The following USP13 variants were observed in gnomAD, a reference collection of about 807,000 sequenced individuals.
USP13 encodes ubiquitin specific peptidase 13.
USP13 carries 68 observed loss-of-function variants against 107.8 expected under a neutral mutation model. The ratio of observed to expected loss-of-function variants is 0.63; its 90% CI spans 0.52 to 0.77. The LOEUF is 0.77. USP13 is among the 30% of genes least tolerant of loss of function. The pLI, the probability that USP13 is intolerant of heterozygous loss-of-function variation, is 0.00. For synonymous variants in USP13, 377 were observed against 389.5 expected (o/e 0.97, Z 0.38); for missense variants, 945 against 1,093.3 (o/e 0.86, Z 1.91).
At chr3:179,761,078 C>A (rs200487585) in intron 16 of USP13, 34 bp from the exon 17 acceptor site, 1 of 1,612,902 alleles carries the variant, frequency 6.2e-7, no homozygotes, top group Non-Finnish European at 8.5e-7. Flanking sequence ...ACAGTTTCCT[C>A]TTTCACACTA....
In USP13 at chr3:179,765,994, T is replaced by A. The variant is rs1715163353; in HGVS notation, c.2413+146T>A. The A allele has an allele frequency of 3.0e-6, 3 of 988,174 alleles. No homozygotes were observed. In the East Asian group the frequency reaches 8.6e-5, roughly 28 times the overall value. 61.2% of individuals were successfully genotyped at this position (988,174 alleles called of 1,614,324 possible). On this transcript the variant is annotated intron_variant, in intron 19 of 20. Transcript: ENST00000263966. ...TCTTCTTCGTTTTTTTTTTTTTTCTTTTTTGAGACAGAGTCTCACACTGTT... is the reference window on the plus strand; with the variant it reads ...TCTTCTTCGTTTTTTTTTTTTTTCTATTTTGAGACAGAGTCTCACACTGTT...
Position 179,740,296 on chromosome 3 carries a change from A to C in USP13, c.1304A>C (p.Lys435Thr), listed in dbSNP as rs1316088674. 6.2e-7 allele frequency: 1 copy of C among 1,614,170 alleles called. No homozygotes were observed. Among genetic ancestry groups the C allele is most frequent in the Admixed American group, 1.7e-5 (1 of 60,022 alleles). The change falls in exon 11 of 21, where the codon AAG (lysine) becomes ACG (threonine). Residue 435 changes from lysine to threonine, a missense_variant. Transcript: ENST00000263966. The part of the protein sequence containing the change: ...SPRMFKAFVS[K>T]SHPEFSSNRQ... ...CGCATGTTTAAGGCCTTTGTAAGCA[A>C]GAGCCACCCGGAATTCTCCTCTAAC...
intron 6 of USP13, among the ~76,000 whole-genome samples, chr3:179,713,371 G>C (rs2108487343): frequency 6.6e-6 from 1 of 152,206 alleles, no homozygotes; most frequent in South Asian, 2.1e-4. Flanking sequence ...ATTCTATTTT[G>C]GTTTCCTTTA....
Position 179,745,066 on chromosome 3 carries a change from A to G in USP13, c.1558A>G (p.Thr520Ala). 1 of 1,614,158 alleles carries G rather than the reference A, an allele frequency of 6.2e-7. No homozygotes were observed. Among genetic ancestry groups the G allele is most frequent in the Non-Finnish European group, 8.5e-7 (1 of 1,180,042 alleles). ...AGATGAACTGATCGCTTATGAACTA[A>G]CGAGAAGGGAAGCAGAAGCAAACAG... ...NKDELIAYEL[T>A]RREAEANRRP... The change falls in exon 13 of 21, where the codon ACG becomes GCG. Residue 520 changes from threonine (T) to alanine (A), a missense_variant. Physicochemically the swap from Thr to Ala is moderately conservative, Grantham distance 58. Transcript: ENST00000263966.
At chr3:179,758,353 C>T (rs1714879305) in intron 16 of USP13, among the ~76,000 whole-genome samples, 1 of 152,112 alleles carries the variant, frequency 6.6e-6, no homozygotes, top group Non-Finnish European at 1.5e-5. Flanking sequence ...GAGGAGCCTG[C>T]CTCTGACGGT....
At chr3:179,776,064 T>C (rs915993909) in intron 19 of USP13, among the ~76,000 whole-genome samples, 11 of 152,286 alleles carry the variant, frequency 7.2e-5, no homozygotes, top group Non-Finnish European at 1.2e-4. Flanking sequence ...ACCTCCAACA[T>C]TGGGGGTCAC....
At chr3:179,710,025 G>A (rs1000578578) in intron 6 of USP13, among the ~76,000 whole-genome samples, 4 of 152,080 alleles carry the variant, frequency 2.6e-5, no homozygotes, top group Non-Finnish European at 5.9e-5. Context: ...CAGTTAGGTC[G>A]TGTCAGGATT....
chr3:179,713,686 T>C (rs1352702156), intron 6 of USP13, among the ~76,000 whole-genome samples: 1 of 152,178 alleles, frequency 6.6e-6, no homozygotes, highest in Admixed American at 6.5e-5. Flanking sequence ...GTAAGTAGGA[T>C]GTTTATGTCC....
intron 6 of USP13, among the ~76,000 whole-genome samples, chr3:179,711,715 G>A (rs535405934): frequency 1.3e-5 from 2 of 152,236 alleles, no homozygotes; most frequent in African/African-American, 4.8e-5. Context: ...GCATGGACCT[G>A]TCATCTCCTA....
At chr3:179,699,322 T>C (rs913842922) in intron 3 of USP13, among the ~76,000 whole-genome samples, 3 of 152,222 alleles carry the variant, frequency 2.0e-5, no homozygotes, top group African/African-American at 7.2e-5. Flanking sequence ...TAATATTACA[T>C]TTTGTCAAAT....
chr3:179,709,602 G>A (rs1326711727), intron 6 of USP13, among the ~76,000 whole-genome samples: 1 of 152,124 alleles, frequency 6.6e-6, no homozygotes, highest in Non-Finnish European at 1.5e-5. Context: ...GGCCATGTTT[G>A]TACAGTTAAT....
intron 19 of USP13, among the ~76,000 whole-genome samples, chr3:179,773,968 C>T (rs1468619591): frequency 6.6e-6 from 1 of 151,938 alleles, no homozygotes; most frequent in Admixed American, 6.6e-5. Flanking sequence ...ATAGTCATTG[C>T]TGTAAGAGAA....
chr3:179,694,378 A>T (rs769832674), intron 3 of USP13, among the ~76,000 whole-genome samples: 1 of 152,234 alleles, frequency 6.6e-6, no homozygotes, highest in East Asian at 1.9e-4. Context: ...TTCACCAGGG[A>T]TCTAGGCTCT....
chr3:179,689,589 C>T (rs1314152860), intron 2 of USP13, among the ~76,000 whole-genome samples: 7 of 151,214 alleles, frequency 4.6e-5, no homozygotes, highest in Admixed American at 2.6e-4. Context: ...ACCCAGGAGG[C>T]GGAGGTTGCT....
chr3:179,672,305 T>C (rs966752672), intron 1 of USP13, among the ~76,000 whole-genome samples: 4 of 152,228 alleles, frequency 2.6e-5, no homozygotes, highest in Admixed American at 2.0e-4. Flanking sequence ...AAGTATATAC[T>C]GTATGTATAT....
Position 179,773,431 on chromosome 3 carries a change from C to T in USP13, c.2413+7583C>T, listed in dbSNP as rs140160568. On this transcript the variant is annotated intron_variant, in intron 19 of 20. Coordinates refer to ENST00000263966, the MANE Select transcript of USP13 (RefSeq NM_003940.3). ...CTCTCTGTAGACTAACTAAATAATGCGTCATGCCCTGATGAGATACTGCTG... is the reference window on the plus strand; with the variant it reads ...CTCTCTGTAGACTAACTAAATAATGTGTCATGCCCTGATGAGATACTGCTG... 2.8e-4 allele frequency among the ~76,000 whole-genome samples: 42 copies of T among 152,238 alleles called. 1 individual carries two copies. Among genetic ancestry groups the T allele is most frequent in the Middle Eastern group, 3.4e-3 (1 of 294 alleles).
chr3:179,704,533 ACT>A (rs1712645985), intron 4 of USP13, among the ~76,000 whole-genome samples: 1 of 151,606 alleles, frequency 6.6e-6, no homozygotes, highest in Non-Finnish European at 1.5e-5. Context: ...TCAGCTTAAA[ACT>A]CTCAACGCTA....
intron 5 of USP13, among the ~76,000 whole-genome samples, chr3:179,707,303 AGCACTTGCAACGCTTT>A (rs140075442): frequency 0.18 from 27,372 of 151,974 alleles, 2,572 homozygotes; most frequent in Admixed American, 0.24. Context: ...GCCAGTTGCA[AGCACTTGCAACGCTTT>A]GCATGAGAGC....
Position 179,701,040 on chromosome 3 carries a change from G to A in USP13, c.388G>A (p.Asp130Asn), listed in dbSNP as rs944925192. The stretch of plus-strand genomic sequence containing the variant: ...TACTGATGACGATTTAAATAGCGAC[G>A]ATTATGAATATGAAGATGAAGCCAA... ...LDTDDDLNSD[D>N]YEYEDEAKLV... is the part of the protein sequence containing the mutation. Residue 130 changes from aspartate to asparagine, a missense_variant, in exon 4 of 21, where the codon GAT (aspartate) becomes AAT (asparagine). Physicochemically the swap from Asp to Asn is conservative, Grantham distance 23. Transcript: ENST00000263966. 60 of 1,613,774 alleles carry A rather than the reference G, an allele frequency of 3.7e-5. No individual in the cohort carries two copies. The highest frequency in any genetic ancestry group is 4.5e-5 in the Non-Finnish European group (53 of 1,179,976).
Sources: allele counts gnomAD v4.1 joint callset (sites outside exome capture counted in the v4.1 genomes callset), GRCh38; gene constraint gnomAD v4.1.1; transcripts MANE v1.5; gene names NCBI Gene and HGNC (gene_info 2026-07-23, HGNC 2026-07-21).